Variants in MYO19 observed in about 807,000 individuals in gnomAD.
The protein encoded by MYO19 is unconventional myosin-XIX.
Under a neutral mutation model 129.2 loss-of-function variants are expected in MYO19, and 132 were observed. The observed-to-expected ratio is 1.02, with a 90% CI of 0.89 to 1.18. The LOEUF is 1.18. Ranked by LOEUF, MYO19 falls within the 50% of genes most tolerant of loss-of-function variation. The probability of loss-of-function intolerance (pLI) is 0.00; values close to 1 mark genes in which losing one functional copy is unlikely to be tolerated. For missense variants in MYO19, 1,210 were observed against 1,216.7 expected (o/e 0.99, Z 0.08); for synonymous variants, 531 against 477.2 (o/e 1.11, Z -1.47).
chr17:36,528,098 G>A lies in MYO19; in HGVS notation c.117C>T (p.Asp39=), dbSNP rs752393309. The change falls in exon 4 of 26, where the codon GAC becomes GAT. Residue 39 remains aspartate (D), a synonymous_variant. Coordinates refer to ENST00000614623, the MANE Select transcript of MYO19 (RefSeq NM_001163735.2). The stretch of plus-strand genomic sequence containing the variant: ...GTGTCACAGGATTCACCCTGGTGAG[G>A]TCATCCAGTTTGTACAGCAGGACCT... ...GGEVLLYKLD[D]LTRVNPVTLE... The A allele has an allele frequency of 5.4e-5, 87 of 1,613,850 alleles. 3 individuals carry two copies. The South Asian group carries it at 8.2e-4, about 15-fold the overall frequency.
At chr17:36,511,172 T>G in intron 12 of MYO19, 193 bp downstream of exon 12, 1 of 678,030 alleles carries the variant, frequency 1.5e-6, no homozygotes, top group Non-Finnish European at 2.5e-6. Flanking sequence ...TTTTCTCATC[T>G]TTAAGATGGG....
In MYO19 at chr17:36,496,214, G is replaced by A. The variant is rs756348401; in HGVS notation, c.*37C>T. The A allele has an allele frequency of 7.5e-6, 12 of 1,609,938 alleles. No homozygotes were observed. The highest frequency in any genetic ancestry group is 5.0e-5 in the Admixed American group (3 of 59,898). ...TTAAATGTCTTTGGCAAGGCAGGGG[G>A]CAGGAAAAGGCCTTGTGGAAACAAA... On this transcript the variant is annotated 3_prime_UTR_variant, in exon 26 of 26. Coordinates refer to ENST00000614623, the MANE Select transcript of MYO19 (RefSeq NM_001163735.2).
Position 36,514,433 on chromosome 17 carries a change from A to G in MYO19, c.720+13T>C, listed in dbSNP as rs1170307730. On this transcript the variant is annotated intron_variant, in intron 9 of 25. Transcript: ENST00000614623. ...CTCGCATCTGGGGGGCTGTGGCCCCATTTGGCACAAACCTGATAGAAGATG... is the reference window on the plus strand; with the variant it reads ...CTCGCATCTGGGGGGCTGTGGCCCCGTTTGGCACAAACCTGATAGAAGATG... The G allele has an allele frequency of 6.3e-7, 1 of 1,587,280 alleles. No homozygotes were observed. The highest frequency in any genetic ancestry group is 8.7e-7 in the Non-Finnish European group (1 of 1,155,618).
chr17:36,507,698 A>G (rs1251636310), intron 15 of MYO19, 105 bp downstream of exon 15: 69 of 1,361,530 alleles, frequency 5.1e-5, no homozygotes, highest in Non-Finnish European at 6.4e-5. Context: ...ATAAAATAAG[A>G]AGGAACAAAA....
chr17:36,509,442 C>G, intron 13 of MYO19: 1 of 448,110 alleles, frequency 2.2e-6, no homozygotes, highest in South Asian at 2.6e-5. Context: ...TCACATGGCT[C>G]GAGACCCAGC....
Position 36,495,767 on chromosome 17 carries a change from T to G in MYO19, c.*484A>C. On this transcript the variant is annotated 3_prime_UTR_variant, in exon 26 of 26. Coordinates refer to ENST00000614623, the MANE Select transcript of MYO19 (RefSeq NM_001163735.2). ...CGTGATTCTACTGTACATTGCATTA[T>G]TCATAATTTAATTGTTTGAAATTAC... is the stretch of plus-strand genomic sequence containing the variant. 5 of 1,241,628 alleles carry G rather than the reference T, an allele frequency of 4.0e-6. No individual in the cohort carries two copies. The highest frequency in any genetic ancestry group is 8.1e-5 in the South Asian group (2 of 24,750). 76.9% of individuals were successfully genotyped at this position (1,241,628 alleles called of 1,614,324 possible).
At chr17:36,537,052 G>T (rs2142612770), upstream of MYO19, 1 of 1,489,932 alleles carries the variant, frequency 6.7e-7, no homozygotes, top group African/African-American at 1.4e-5. Flanking sequence ...ACACAAGAAT[G>T]CTGCTTTTCA....
intron 23 of MYO19, chr17:36,500,317 G>A (rs534046255): frequency 2.6e-5 from 4 of 153,758 alleles, no homozygotes; most frequent in Non-Finnish European, 4.3e-5. Context: ...CTGCATCATA[G>A]GGATGGTCCA....
chr17:36,496,361 C>G lies in MYO19; in HGVS notation c.2803G>C (p.Asp935His), dbSNP rs769073780. Reference sequence around the variant, plus strand: ...TAGGGTGAAGGTTCAGGGCAGATGTCAGCATACCGCAGTGGAGACTTTCTG... The same window carrying G: ...TAGGGTGAAGGTTCAGGGCAGATGTGAGCATACCGCAGTGGAGACTTTCTG... ...HCRKSPLRYA[D>H]ICPEPSPYSI... The change falls in exon 26 of 26, where the codon GAC becomes CAC. Residue 935 changes from aspartate (D) to histidine (H), a missense_variant. Physicochemically the swap from Asp to His is moderately conservative, Grantham distance 81. Transcript: ENST00000614623. The G allele has an allele frequency of 6.2e-7, 1 of 1,613,948 alleles. No homozygotes were observed. The highest frequency in any genetic ancestry group is 1.3e-5 in the African/African-American group (1 of 75,010).
At chr17:36,504,848 A>G (rs531380075) in intron 19 of MYO19, 13 of 212,982 alleles carry the variant, frequency 6.1e-5, no homozygotes, top group African/African-American at 3.0e-4. Flanking sequence ...GGGAGGCGGA[A>G]GTTGCAGTGA....
At chr17:36,528,307 G>C in intron 3 of MYO19, 105 bp from the exon 4 acceptor site, 2 of 1,241,198 alleles carry the variant, frequency 1.6e-6, no homozygotes, top group Non-Finnish European at 2.2e-6. Flanking sequence ...AGGAGATCGA[G>C]ACCATCCTGG....
chr17:36,537,784 A>G (rs1398380218), upstream of MYO19: 7 of 1,614,086 alleles, frequency 4.3e-6, no homozygotes, highest in African/African-American at 9.3e-5. Context: ...TATCAGGAAC[A>G]TTTAACAGAG....
Position 36,510,908 on chromosome 17 carries a change from C to A in MYO19, c.995G>T (p.Arg332Met). The change falls in exon 13 of 26, where the codon AGG becomes ATG. Residue 332 changes from arginine (R) to methionine (M), a missense_variant. Transcript: ENST00000614623. ...QPMDDAKYSV[R>M]TAASLLGLPE... is the part of the protein sequence containing the mutation. Reference sequence around the variant, plus strand: ...GAGCCCCAGCAGCGAGGCTGCCGTCCTGACAGAGTCTGGGAGGGGCAAATC... The same window carrying A: ...GAGCCCCAGCAGCGAGGCTGCCGTCATGACAGAGTCTGGGAGGGGCAAATC... 6.4e-7 allele frequency: 1 copy of A among 1,573,856 alleles called. No homozygotes were observed. The highest frequency in any genetic ancestry group is 8.6e-7 in the Non-Finnish European group (1 of 1,159,288).
At chr17:36,502,189 C>G (rs2071580363) in intron 21 of MYO19, among the ~76,000 whole-genome samples, 1 of 152,204 alleles carries the variant, frequency 6.6e-6, no homozygotes, top group Admixed American at 6.5e-5. Flanking sequence ...TGTTCTCCCT[C>G]TGCCTGTGTC....
upstream of MYO19, chr17:36,537,747 C>G: frequency 1.2e-6 from 2 of 1,614,044 alleles, no homozygotes; most frequent in Non-Finnish European, 8.5e-7. Context: ...AGGAATCGGA[C>G]GATTAGCCAT....
chr17:36,532,849 T>C (rs918453133), intron 2 of MYO19, among the ~76,000 whole-genome samples, 168 bp from the exon 3 acceptor site: 1 of 152,076 alleles, frequency 6.6e-6, no homozygotes, highest in Non-Finnish European at 1.5e-5. Flanking sequence ...AGGGAAACTT[T>C]TATGAGAGCC....
Position 36,514,882 on chromosome 17 carries a change from G to A in MYO19, c.617+231C>T, listed in dbSNP as rs1288466924. Among the ~76,000 whole-genome samples the A allele has an allele frequency of 4.6e-5, 7 of 152,332 alleles. No individual in the cohort carries two copies. In the South Asian group the frequency reaches 8.3e-4, roughly 18 times the overall value. On this transcript the variant is annotated intron_variant, in intron 8 of 25. Coordinates refer to ENST00000614623, the MANE Select transcript of MYO19 (RefSeq NM_001163735.2). ...GTCCCTGAGCAAGAGTAAAAGCCAG[G>A]AGGAACCCAGGCCTGAATAAGCGCA...
rs188014402 is a variant in MYO19, at chr17:36,530,941, G to A, written c.12+1586C>T. 1.8e-3 allele frequency among the ~76,000 whole-genome samples: 276 copies of A among 152,154 alleles called. 2 individuals are homozygous for A. The highest frequency in any genetic ancestry group is 6.4e-3 in the African/African-American group (265 of 41,522). On this transcript the variant is annotated intron_variant, in intron 3 of 25. Transcript: ENST00000614623. ...TGGCCTTATTTATTTATTTATTTAA[G>A]AGACAGGGTCTCACGGCTGGGTGCG...
At chr17:36,503,867 G>C (rs2142864463) in intron 20 of MYO19, 83 bp downstream of exon 20, 1 of 1,145,686 alleles carries the variant, frequency 8.7e-7, no homozygotes, top group Non-Finnish European at 1.2e-6. Context: ...TCTCACTCTG[G>C]GTTGGGCAGG....
Sources: allele counts gnomAD v4.1 joint callset (sites outside exome capture counted in the v4.1 genomes callset), GRCh38; gene constraint gnomAD v4.1.1; transcripts MANE v1.5; gene names NCBI Gene and HGNC (gene_info 2026-07-23, HGNC 2026-07-21).